Variants in CARM1 observed in about 807,000 individuals in gnomAD.
The protein encoded by CARM1 is histone-arginine methyltransferase CARM1.
CARM1 carries 14 observed loss-of-function variants against 72.7 expected under a neutral mutation model. The observed-to-expected ratio is 0.19, with a 90% CI of 0.13 to 0.30. The LOEUF (loss-of-function observed/expected upper bound fraction) is 0.30, where lower values mean the gene tolerates loss of function less well. CARM1 is among the 10% of genes least tolerant of loss of function. The pLI is 1.00. For synonymous variants in CARM1, 333 were observed against 345.5 expected (o/e 0.96, Z 0.40); for missense variants, 432 against 833.7 (o/e 0.52, Z 5.93).
chr19:10,883,094 G>C (rs1391358128), intron 1 of CARM1, among the ~76,000 whole-genome samples: 3 of 152,188 alleles, frequency 2.0e-5, no homozygotes, highest in Admixed American at 6.5e-5. Flanking sequence ...TGGGTTAGAG[G>C]CTGCAGGCGG....
intron 1 of CARM1, among the ~76,000 whole-genome samples, chr19:10,891,159 T>C (rs921558679): frequency 1.3e-5 from 2 of 151,884 alleles, no homozygotes; most frequent in Non-Finnish European, 2.9e-5. Flanking sequence ...CGGAGCACTG[T>C]GGGGACACAG....
At chr19:10,891,350 G>A (rs1255813713) in intron 1 of CARM1, among the ~76,000 whole-genome samples, 1 of 152,208 alleles carries the variant, frequency 6.6e-6, no homozygotes, top group Admixed American at 6.5e-5. Flanking sequence ...GCAGAGCTCA[G>A]GTTCAAACCT....
At chr19:10,891,436 G>A (rs552035190) in intron 1 of CARM1, among the ~76,000 whole-genome samples, 24 of 152,276 alleles carry the variant, frequency 1.6e-4, no homozygotes, top group African/African-American at 5.3e-4. Context: ...ATGCCCTTGG[G>A]CTGACTGCCC....
rs754849117 is a variant in CARM1 at position 10,920,918 on chromosome 19, C to T, written c.1509C>T (p.Tyr503=). 2 of 1,614,252 alleles carry T rather than the reference C, an allele frequency of 1.2e-6. No individual in the cohort carries two copies. The highest frequency in any genetic ancestry group is 1.1e-5 in the South Asian group (1 of 91,092). Residue 503 remains tyrosine, a synonymous_variant, in exon 13 of 16, where the codon TAC becomes TAT. Transcript: ENST00000327064. This position sits in a 1 kb window ranked among gnomAD's most constrained non-coding sequence, Gnocchi z 5.3. ...ACATGTGGAACACGGGCAGCACCTA[C>T]AACCTCAGCAGCGGGATGGCCGTGG... ...SENMWNTGST[Y]NLSSGMAVAG...
At position 10,888,114 on chromosome 19, in the gene CARM1, G is replaced by T. The variant is rs138163435; in HGVS notation, c.220+16192G>T. 1.4e-3 allele frequency among the ~76,000 whole-genome samples: 215 copies of T among 152,286 alleles called. 2 individuals are homozygous for T. Among genetic ancestry groups the T allele is most frequent in the African/African-American group, 4.9e-3 (202 of 41,558 alleles). ...CTCCTCTGCAAAGGGCCTCCTGCTG[G>T]CCTAGTCCCCATAGAGAGCTGCAGC... On this transcript the variant is annotated intron_variant, in intron 1 of 15. Transcript: ENST00000327064.
intron 1 of CARM1, 64 bp from the exon 2 acceptor site, chr19:10,904,887 C>T: frequency 6.3e-7 from 1 of 1,585,516 alleles, no homozygotes; most frequent in Admixed American, 1.7e-5. Flanking sequence ...CGACAGGGAC[C>T]CAGGCTCAAA....
At chr19:10,908,675 C>T (rs868416421) in intron 3 of CARM1, 5 of 185,230 alleles carry the variant, frequency 2.7e-5, no homozygotes, top group African/African-American at 7.2e-5. Context: ...CCAGGTGCCA[C>T]GCTGCCTCCC....
Position 10,905,084 on chromosome 19 carries a change from G to A in CARM1, c.346+8G>A. The stretch of plus-strand genomic sequence containing the variant: ...AGTTCGCCACACCCAACGGTACGTG[G>A]CCCTCCTTCCATTCCGGTGACACCA... On this transcript the variant is annotated splice_region_variant and intron_variant, in intron 2 of 15. Coordinates refer to ENST00000327064, the MANE Select transcript of CARM1 (RefSeq NM_199141.2). 1 of 1,612,640 alleles carries A rather than the reference G, an allele frequency of 6.2e-7. No homozygotes were observed. Among genetic ancestry groups the A allele is most frequent in the Non-Finnish European group, 8.5e-7 (1 of 1,179,592 alleles).
intron 1 of CARM1, among the ~76,000 whole-genome samples, chr19:10,879,633 G>A (rs771024642): frequency 5.3e-5 from 8 of 152,086 alleles, no homozygotes; most frequent in Non-Finnish European, 1.2e-4. Flanking sequence ...TTTTTTTGGA[G>A]ATGAATTCTC....
At chr19:10,905,110 G>A (rs1420328727) in intron 2 of CARM1, 34 bp downstream of exon 2, 2 of 1,606,516 alleles carry the variant, frequency 1.2e-6, no homozygotes, top group Non-Finnish European at 8.5e-7. Flanking sequence ...GGTGACACCA[G>A]CCCAAAGCGC....
intron 4 of CARM1, among the ~76,000 whole-genome samples, chr19:10,911,318 C>A (rs569097241): frequency 5.3e-5 from 8 of 152,188 alleles, no homozygotes; most frequent in Admixed American, 5.2e-4. Flanking sequence ...CATCGCTTAC[C>A]GTCCCAGAGG....
At chr19:10,892,235 G>A (rs550428562) in intron 1 of CARM1, among the ~76,000 whole-genome samples, 1 of 152,238 alleles carries the variant, frequency 6.6e-6, no homozygotes, top group South Asian at 2.1e-4. Context: ...TCTGCAAGTA[G>A]AGCTTGTAGC....
At position 10,922,008 on chromosome 19, in the gene CARM1, C is replaced by A. The variant is rs931386581; in HGVS notation, c.*251C>A. ...CATGTTGTGGGAGCCCTCGTCCCCC[C>A]TCCTGCCCGCTCTACCCTGACCTGG... On this transcript the variant is annotated 3_prime_UTR_variant, in exon 16 of 16. Coordinates refer to ENST00000327064, the MANE Select transcript of CARM1 (RefSeq NM_199141.2). 1 of 405,180 alleles carries A rather than the reference C, an allele frequency of 2.5e-6. No individual in the cohort carries two copies. Among genetic ancestry groups the A allele is most frequent in the Non-Finnish European group, 4.5e-6 (1 of 222,990 alleles). 25.1% of individuals were successfully genotyped at this position (405,180 alleles called of 1,614,324 possible). A position where few individuals can be genotyped will look rare whatever the true frequency, so the allele number is the denominator to read the frequency against.
At chr19:10,895,978 T>C (rs536248769) in intron 1 of CARM1, among the ~76,000 whole-genome samples, 1 of 152,108 alleles carries the variant, frequency 6.6e-6, no homozygotes, top group Admixed American at 6.6e-5. Flanking sequence ...GGAGAGAGTG[T>C]TGAAGGCCAG....
Position 10,886,056 on chromosome 19 carries a change from C to CT in CARM1, c.220+14151dup, listed in dbSNP as rs899009522. Reference sequence around the variant, plus strand: ...GGCTAATTTTTTTCTTTCTTTCTTTCTTTTTTTTTTTTTTTTTGAAATGGA... The same window carrying CT: ...GGCTAATTTTTTTCTTTCTTTCTTTCTTTTTTTTTTTTTTTTTTGAAATGGA... On this transcript the variant is annotated intron_variant, in intron 1 of 15. Coordinates refer to ENST00000327064, the MANE Select transcript of CARM1 (RefSeq NM_199141.2). 6.6e-3 allele frequency among the ~76,000 whole-genome samples: 900 copies of CT among 136,492 alleles called. 9 individuals are homozygous for CT. Among genetic ancestry groups the CT allele is most frequent in the East Asian group, 0.028 (136 of 4,796 alleles). The allele number at this position is 136,492 out of a possible 152,430, so 89.5% of individuals were successfully genotyped here.
rs2145221251 is a variant in CARM1, at chr19:10,904,880, C to G, written c.221-71C>G. 5 of 1,578,394 alleles carry G rather than the reference C, an allele frequency of 3.2e-6. No homozygotes were observed. The African/African-American group carries it at 6.7e-5, about 21-fold the overall frequency. Reference sequence around the variant, plus strand: ...CCAAGGGGAGGCAGCAGGAGGGCGACAGGGACCCAGGCTCAAAAGAAGGCA... The same window carrying G: ...CCAAGGGGAGGCAGCAGGAGGGCGAGAGGGACCCAGGCTCAAAAGAAGGCA... On this transcript the variant is annotated intron_variant, in intron 1 of 15. Transcript: ENST00000327064.
intron 1 of CARM1, among the ~76,000 whole-genome samples, chr19:10,900,965 G>A (rs1247353873): frequency 6.6e-6 from 1 of 151,614 alleles, no homozygotes; most frequent in Non-Finnish European, 1.5e-5. Flanking sequence ...TTACAGGTGT[G>A]AGCCACTGCA....
chr19:10,875,254 G>A lies in CARM1; in HGVS notation c.220+3332G>A, dbSNP rs2073854172. On this transcript the variant is annotated intron_variant, in intron 1 of 15. Transcript: ENST00000327064. ...CATCTTCCAGATTGCAGTGGATCCAGCTGTTGCTTGATTTGCAGCAGCGAA... is the reference window on the plus strand; with the variant it reads ...CATCTTCCAGATTGCAGTGGATCCAACTGTTGCTTGATTTGCAGCAGCGAA... Among the ~76,000 whole-genome samples, 3 of 152,084 alleles carry A rather than the reference G, an allele frequency of 2.0e-5. No individual in the cohort carries two copies. In the South Asian group the frequency reaches 6.2e-4, roughly 32 times the overall value.
At position 10,916,330 on chromosome 19, in the gene CARM1, G is replaced by C. The variant is rs1226459841; in HGVS notation, c.848-77G>C. On this transcript the variant is annotated intron_variant, in intron 6 of 15. Transcript: ENST00000327064. This position sits in a 1 kb window ranked among gnomAD's most constrained non-coding sequence, Gnocchi z 4.4. ...GGGAGCACCCAGGGTTGGGGGTCTT[G>C]GGGTCCTTTGGAAGCTCTGCCAGGC... The C allele has an allele frequency of 2.7e-5, 26 of 977,066 alleles. 1 individual carries two copies. The East Asian group carries it at 2.9e-4, about 11-fold the overall frequency. The allele number at this position is 977,066 out of a possible 1,614,324, so 60.5% of individuals were successfully genotyped here.
Sources: allele counts gnomAD v4.1 joint callset (sites outside exome capture counted in the v4.1 genomes callset), GRCh38; gene constraint gnomAD v4.1.1; non-coding constraint Gnocchi (gnomAD v3.1); transcripts MANE v1.5; gene names NCBI Gene and HGNC (gene_info 2026-07-23, HGNC 2026-07-21).